Variants in GNL2 observed in about 807,000 individuals in gnomAD.
The protein encoded by GNL2 is G protein nucleolar 2, also known as nucleolar GTP-binding protein 2.
A neutral mutation model predicts 92.3 loss-of-function variants in GNL2; 51 were observed. The ratio of observed to expected loss-of-function variants is 0.55; its 90% CI spans 0.44 to 0.70. GNL2 has a LOEUF of 0.70. Among genes scored for constraint, GNL2 ranks in the 30% least tolerant of loss-of-function variants. GNL2 has a pLI of 0.00. For missense variants in GNL2, 844 were observed against 895.6 expected, an observed-to-expected ratio of 0.94 and a Z score of 0.74; for synonymous variants, 283 against 300.6, an observed-to-expected ratio of 0.94 and a Z score of 0.61.
chr1:37,595,828 C>G lies in GNL2; in HGVS notation c.-6G>C. 6.2e-7 allele frequency: 1 copy of G among 1,613,966 alleles called. No individual in the cohort carries two copies. Among genetic ancestry groups the G allele is most frequent in the Non-Finnish European group, 8.5e-7 (1 of 1,179,800 alleles). ...TTGTACTTGGGCTTCACCATCTTGG[C>G]GACGAGACCGGGACCGGAGTGCGAG... is the stretch of plus-strand genomic sequence containing the variant. On this transcript the variant is annotated 5_prime_UTR_variant, in exon 1 of 16. Coordinates refer to ENST00000373062, the MANE Select transcript of GNL2 (RefSeq NM_013285.3).
intron 2 of GNL2, 188 bp downstream of exon 2, chr1:37,593,573 GC>G (rs1341518293): frequency 2.0e-6 from 1 of 509,584 alleles, no homozygotes; most frequent in African/African-American, 2.0e-5. Flanking sequence ...CTATTTCACC[GC>G]CAGCTACCCA....
Position 37,595,767 on chromosome 1 carries a change from G to C in GNL2, c.56C>G (p.Thr19Arg), listed in dbSNP as rs1477464873. The C allele has an allele frequency of 1.9e-6, 3 of 1,614,038 alleles. No individual in the cohort carries two copies. The highest frequency in any genetic ancestry group is 2.5e-6 in the Non-Finnish European group (3 of 1,179,984). The change falls in exon 1 of 16, where the codon ACA becomes AGA. Residue 19 changes from threonine (T) to arginine (R), a missense_variant. By Grantham distance (71) the Thr-to-Arg change is moderately conservative (BLOSUM62 -1). Transcript: ENST00000373062. ...RSTINPSKASTNPDRVQGAGG... is the reference protein window; with the variant it reads ...RSTINPSKASRNPDRVQGAGG... ...AGCCCTGCCGCCTGTACCTGGGTTTGTGCTGGCCTTGGACGGGTTGATGGT... is the reference window on the plus strand; with the variant it reads ...AGCCCTGCCGCCTGTACCTGGGTTTCTGCTGGCCTTGGACGGGTTGATGGT...
intron 8 of GNL2, chr1:37,581,300 A>G: frequency 2.2e-6 from 1 of 452,918 alleles, no homozygotes; most frequent in Non-Finnish European, 4.5e-6. Context: ...GTTAGAAGCC[A>G]GGTAGAATTA....
chr1:37,589,908 A>G (rs537011982), intron 4 of GNL2, among the ~76,000 whole-genome samples: 1 of 152,342 alleles, frequency 6.6e-6, no homozygotes, highest in South Asian at 2.1e-4. Context: ...AAGTTCTACC[A>G]ACTCAATCCT....
At position 37,595,935 on chromosome 1, in the gene GNL2, T is replaced by C. The variant is rs1643921598; in HGVS notation, c.-113A>G. ...CGCCTGAACCACGCCGGACCACGTG[T>C]GCACGACGTACGTCACTTCCGCTCG... is the stretch of plus-strand genomic sequence containing the variant. On this transcript the variant is annotated 5_prime_UTR_variant, in exon 1 of 16. Coordinates refer to ENST00000373062, the MANE Select transcript of GNL2 (RefSeq NM_013285.3). The C allele has an allele frequency of 2.4e-6, 2 of 835,810 alleles. No homozygotes were observed. Among genetic ancestry groups the C allele is most frequent in the South Asian group, 1.4e-5 (1 of 70,652 alleles). 51.8% of individuals were successfully genotyped at this position (835,810 alleles called of 1,614,324 possible).
At chr1:37,570,519 G>C (rs6663483) in intron 12 of GNL2, 1 of 148,064 alleles carries the variant, frequency 6.8e-6, no homozygotes. Flanking sequence ...AACAGAGCAA[G>C]ACTCCGTCTC....
chr1:37,584,585 T>C (rs996326227), intron 5 of GNL2, among the ~76,000 whole-genome samples: 1 of 151,932 alleles, frequency 6.6e-6, no homozygotes, highest in African/African-American at 2.4e-5. Context: ...ATTCCACTTA[T>C]ATTAGGCACC....
intron 8 of GNL2, among the ~76,000 whole-genome samples, chr1:37,581,711 C>A (rs1215472169): frequency 6.6e-6 from 1 of 152,234 alleles, no homozygotes; most frequent in Non-Finnish European, 1.5e-5. Flanking sequence ...GTCGCCCAGG[C>A]TGGGGTGCAG....
At chr1:37,589,996 T>C (rs971849499) in intron 4 of GNL2, among the ~76,000 whole-genome samples, 1 of 152,242 alleles carries the variant, frequency 6.6e-6, no homozygotes, top group Non-Finnish European at 1.5e-5. Flanking sequence ...ATATTACTAA[T>C]AGCTGTTATC....
In GNL2 at chr1:37,582,764, G is replaced by C. The variant is rs200845249; in HGVS notation, c.795+14C>G. Reference sequence around the variant, plus strand: ...TGTCTTAATAGTCTATTCTGGTTTAGTAGTTGTACTTACTGTTGCCCAGGT... The same window carrying C: ...TGTCTTAATAGTCTATTCTGGTTTACTAGTTGTACTTACTGTTGCCCAGGT... On this transcript the variant is annotated intron_variant, in intron 7 of 15. Transcript: ENST00000373062. 6.2e-7 allele frequency: 1 copy of C among 1,600,090 alleles called. No individual in the cohort carries two copies. The highest frequency in any genetic ancestry group is 8.5e-7 in the Non-Finnish European group (1 of 1,170,774).
chr1:37,574,827 A>G lies in GNL2; in HGVS notation c.1144-4T>C. 6.2e-7 allele frequency: 1 copy of G among 1,603,926 alleles called. No individual in the cohort carries two copies. Among genetic ancestry groups the G allele is most frequent in the Non-Finnish European group, 8.5e-7 (1 of 1,172,236 alleles). On this transcript the variant is annotated splice_polypyrimidine_tract_variant and splice_region_variant and intron_variant, in intron 10 of 15. Coordinates refer to ENST00000373062, the MANE Select transcript of GNL2 (RefSeq NM_013285.3). ...TCTTAATTTTTTCTACTTGAACCTAAATGTTAATAGGAAATCTCTCACTTA... is the reference window on the plus strand; with the variant it reads ...TCTTAATTTTTTCTACTTGAACCTAGATGTTAATAGGAAATCTCTCACTTA...
intron 5 of GNL2, 152 bp downstream of exon 5, chr1:37,587,159 C>T (rs1311756304): frequency 1.7e-6 from 1 of 577,406 alleles, no homozygotes. Flanking sequence ...CCCAGCTACT[C>T]AAAAGGCTGA....
In GNL2 at chr1:37,574,358, T is replaced by C; in HGVS notation, c.1401A>G (p.Pro467=). Residue 467 remains proline, a synonymous_variant, in exon 12 of 16, where the codon CCA becomes CCG. Coordinates refer to ENST00000373062, the MANE Select transcript of GNL2 (RefSeq NM_013285.3). ...CTGCTCTTACCTGGGGGGCCACAAGTGGCTCTGCATTGGGTGGCTTGACAA... is the reference window on the plus strand; with the variant it reads ...CTGCTCTTACCTGGGGGGCCACAAGCGGCTCTGCATTGGGTGGCTTGACAA... ...PFFVKPPNAE[P]LVAPQLLPSS... 6.2e-7 allele frequency: 1 copy of C among 1,613,606 alleles called. No homozygotes were observed. Among genetic ancestry groups the C allele is most frequent in the Non-Finnish European group, 8.5e-7 (1 of 1,179,670 alleles).
chr1:37,581,853 C>T lies in GNL2; in HGVS notation c.909+370G>A, dbSNP rs183067840. On this transcript the variant is annotated intron_variant, in intron 8 of 15. Coordinates refer to ENST00000373062, the MANE Select transcript of GNL2 (RefSeq NM_013285.3). ...CCAATTTTTGTATTTTTAGTAGAGACGGGGTTTCACCATATTGGCCAGGCT... is the reference window on the plus strand; with the variant it reads ...CCAATTTTTGTATTTTTAGTAGAGATGGGGTTTCACCATATTGGCCAGGCT... Among the ~76,000 whole-genome samples, 16 of 152,168 alleles carry T rather than the reference C, an allele frequency of 1.1e-4. No individual in the cohort carries two copies. The East Asian group carries it at 2.1e-3, about 20-fold the overall frequency.
In GNL2 at chr1:37,579,465, T is replaced by C. The variant is rs547544105; in HGVS notation, c.909+2758A>G. 2.0e-5 allele frequency among the ~76,000 whole-genome samples: 3 copies of C among 151,230 alleles called. No homozygotes were observed. The South Asian group carries it at 6.2e-4, about 31-fold the overall frequency. On this transcript the variant is annotated intron_variant, in intron 8 of 15. Transcript: ENST00000373062. ...GGGAGGCTGAGGCAGGAGAATTGCT[T>C]GAACCTGGGAGGAGGAGGTTGCAGT...
chr1:37,591,444 T>C (rs1168567911), intron 3 of GNL2, among the ~76,000 whole-genome samples: 1 of 152,040 alleles, frequency 6.6e-6, no homozygotes, highest in African/African-American at 2.4e-5. Flanking sequence ...TAGCAAGTAA[T>C]GCTTATATTA....
chr1:37,582,743 T>C (rs377674890), intron 7 of GNL2, 35 bp downstream of exon 7: 1 of 1,553,224 alleles, frequency 6.4e-7, no homozygotes, highest in African/African-American at 1.4e-5. Flanking sequence ...AACAGATGTC[T>C]TAATAGTCTA....
At chr1:37,592,185 G>A (rs186551874) in intron 3 of GNL2, among the ~76,000 whole-genome samples, 3 of 152,336 alleles carry the variant, frequency 2.0e-5, no homozygotes, top group Admixed American at 6.5e-5. Context: ...TAAGAGCCCA[G>A]ACTGAAATGA....
intron 12 of GNL2, among the ~76,000 whole-genome samples, chr1:37,572,380 T>C (rs1570050929): frequency 1.3e-5 from 2 of 152,146 alleles, no homozygotes; most frequent in African/African-American, 4.8e-5. Flanking sequence ...GACCCCTAGA[T>C]AGCTTCAGGA....
Sources: allele counts gnomAD v4.1 joint callset (sites outside exome capture counted in the v4.1 genomes callset), GRCh38; gene constraint gnomAD v4.1.1; transcripts MANE v1.5; gene names NCBI Gene and HGNC (gene_info 2026-07-23, HGNC 2026-07-21).